Variants in TRPC1 observed in about 807,000 individuals in gnomAD.
TRPC1 encodes the protein short transient receptor potential channel 1.
In TRPC1, 42 loss-of-function variants were observed where a neutral mutation model predicts 88.2. The observed-to-expected ratio is 0.48, with a 90% CI of 0.37 to 0.62. TRPC1 has a LOEUF of 0.62. Among genes scored for constraint, TRPC1 ranks in the 20% least tolerant of loss-of-function variants. TRPC1 has a pLI of 0.00. For synonymous variants in TRPC1, 288 were observed against 331.8 expected (o/e 0.87, Z 1.43); for missense variants, 699 against 957.3 (o/e 0.73, Z 3.56).
At chr3:142,762,670 C>A (rs951744915) in intron 4 of TRPC1, among the ~76,000 whole-genome samples, 9 of 151,872 alleles carry the variant, frequency 5.9e-5, no homozygotes, top group South Asian at 2.1e-4. Context: ...CTCAAGTGAT[C>A]CTCCTATCGT....
In TRPC1 at chr3:142,776,433, G is replaced by A. The variant is rs886550743; in HGVS notation, c.633-1199G>A. Among the ~76,000 whole-genome samples, 1 of 151,866 alleles carries A rather than the reference G, an allele frequency of 6.6e-6. No homozygotes were observed. Among genetic ancestry groups the A allele is most frequent in the African/African-American group, 2.4e-5 (1 of 41,368 alleles). ...TAAATGAACTATAGCAAATTTTTCT[G>A]GTTTGTTTTCTATTTAGGTATGGAA... On this transcript the variant is annotated intron_variant, in intron 4 of 12. Coordinates refer to ENST00000476941, the MANE Select transcript of TRPC1 (RefSeq NM_001251845.2). This position sits in a 1 kb window ranked among gnomAD's most constrained non-coding sequence, Gnocchi z 4.1.
In TRPC1 at chr3:142,738,746, T is replaced by C. The variant is rs544949229; in HGVS notation, c.327+2213T>C. Among the ~76,000 whole-genome samples the C allele has an allele frequency of 5.0e-4, 76 of 152,318 alleles. No homozygotes were observed. The South Asian group carries it at 0.011, about 22-fold the overall frequency. ...CTGTTTTATGTTTAAACTTTTGTGG[T>C]TTGATATACATTATTTAGAAATATA... On this transcript the variant is annotated intron_variant, in intron 2 of 12. Transcript: ENST00000476941.
At chr3:142,755,000 T>C (rs921530500) in intron 4 of TRPC1, among the ~76,000 whole-genome samples, 1 of 152,228 alleles carries the variant, frequency 6.6e-6, no homozygotes, top group Non-Finnish European at 1.5e-5. Flanking sequence ...TGCCAGAATC[T>C]TTAAAGGGAA....
At chr3:142,783,171 A>G (rs1196707178) in intron 6 of TRPC1, among the ~76,000 whole-genome samples, 1 of 152,226 alleles carries the variant, frequency 6.6e-6, no homozygotes, top group Non-Finnish European at 1.5e-5. Flanking sequence ...AGTTAACATT[A>G]CTGCAAATTA....
intron 4 of TRPC1, among the ~76,000 whole-genome samples, chr3:142,756,315 G>A (rs1934959693): frequency 6.6e-6 from 1 of 151,458 alleles, no homozygotes; most frequent in Admixed American, 6.6e-5. Context: ...GTTCTCCAAA[G>A]TGGTTGGAAA....
At chr3:142,740,102 G>A (rs1187486980) in intron 2 of TRPC1, among the ~76,000 whole-genome samples, 1 of 152,206 alleles carries the variant, frequency 6.6e-6, no homozygotes, top group Non-Finnish European at 1.5e-5. Flanking sequence ...GATCTGAGGT[G>A]GAACAGTTTC....
intron 1 of TRPC1, among the ~76,000 whole-genome samples, chr3:142,728,790 C>T (rs1159373878): frequency 6.6e-6 from 1 of 152,050 alleles, no homozygotes; most frequent in Non-Finnish European, 1.5e-5. Flanking sequence ...TATAATGGGC[C>T]TTTAAAATTT....
chr3:142,732,570 T>C (rs1933965325), intron 1 of TRPC1, among the ~76,000 whole-genome samples: 1 of 152,096 alleles, frequency 6.6e-6, no homozygotes, highest in Non-Finnish European at 1.5e-5. Flanking sequence ...CATGGGGGTT[T>C]GGACTGTGGG....
chr3:142,744,240 C>CTT (rs1934457234), intron 3 of TRPC1, among the ~76,000 whole-genome samples: 1 of 151,984 alleles, frequency 6.6e-6, no homozygotes, highest in South Asian at 2.1e-4. Context: ...ACCAAATTTA[C>CTT]TTATTAAAGT....
Position 142,758,649 on chromosome 3 carries a change from T to G in TRPC1, c.632+10189T>G, listed in dbSNP as rs527673575. On this transcript the variant is annotated intron_variant, in intron 4 of 12. Transcript: ENST00000476941. ...AGCTTACTGTAATCTCAATTGTCTA[T>G]TTTTGCTTTGGTTGTCTGTACTTTT... Among the ~76,000 whole-genome samples the G allele has an allele frequency of 2.0e-5, 3 of 152,248 alleles. No homozygotes were observed. In the South Asian group the frequency reaches 6.2e-4, roughly 32 times the overall value.
rs1335048919 is a variant in TRPC1, at chr3:142,776,308, C to T, written c.633-1324C>T. ...CATGGATGAGGGAGTATCATGTTTC[C>T]AAATTGCTTACCTTATGTTTTATAA... On this transcript the variant is annotated intron_variant, in intron 4 of 12. Coordinates refer to ENST00000476941, the MANE Select transcript of TRPC1 (RefSeq NM_001251845.2). This position sits in a 1 kb window ranked among gnomAD's most constrained non-coding sequence, Gnocchi z 4.1. 6.6e-6 allele frequency among the ~76,000 whole-genome samples: 1 copy of T among 151,960 alleles called. No individual in the cohort carries two copies. The highest frequency in any genetic ancestry group is 1.9e-4 in the East Asian group (1 of 5,194).
chr3:142,756,201 C>T (rs189876335), intron 4 of TRPC1, among the ~76,000 whole-genome samples: 264 of 152,274 alleles, frequency 1.7e-3, no homozygotes, highest in African/African-American at 5.6e-3. Flanking sequence ...TGGCAGTGAA[C>T]ATTCACTTAC....
At chr3:142,749,132 C>G (rs1200969833) in intron 4 of TRPC1, among the ~76,000 whole-genome samples, 1 of 152,104 alleles carries the variant, frequency 6.6e-6, no homozygotes, top group Non-Finnish European at 1.5e-5. Flanking sequence ...GACATCGGTC[C>G]TGTAAGATTA....
At chr3:142,775,855 T>C (rs935642243) in intron 4 of TRPC1, among the ~76,000 whole-genome samples, 4 of 152,174 alleles carry the variant, frequency 2.6e-5, no homozygotes, top group Admixed American at 1.3e-4. Context: ...TTCTGTTAGA[T>C]TGAAATAGTA....
chr3:142,758,807 C>G (rs183934767), intron 4 of TRPC1, among the ~76,000 whole-genome samples: 15 of 150,756 alleles, frequency 9.9e-5, no homozygotes, highest in Admixed American at 7.3e-4. Flanking sequence ...AGGTATATCT[C>G]TAATGCTATC....
In TRPC1 at chr3:142,748,277, AGAATCCT is replaced by A. The variant is rs1182101069; in HGVS notation, c.452_458del (p.Asn151SerfsTer13). ...TTTCAGAAACTAATGGAACGAATTC[AGAATCCT>A]GAGTATTCAACAACTATGGATGTTG... On this transcript the variant is annotated frameshift_variant, in exon 4 of 13. Transcript: ENST00000476941. LOFTEE classifies it high-confidence loss of function. 1 of 1,613,608 alleles carries A rather than the reference AGAATCCT, an allele frequency of 6.2e-7. No individual in the cohort carries two copies. The highest frequency in any genetic ancestry group is 8.5e-7 in the Non-Finnish European group (1 of 1,179,716).
rs886406071 is a variant in TRPC1 at position 142,807,389 on chromosome 3, T to C, written c.*1154T>C. 4 of 152,200 alleles carry C rather than the reference T, an allele frequency of 2.6e-5. No individual in the cohort carries two copies. In the East Asian group the frequency reaches 5.8e-4, roughly 22 times the overall value. 9.4% of individuals were successfully genotyped at this position (152,200 alleles called of 1,614,324 possible). On this transcript the variant is annotated 3_prime_UTR_variant, in exon 13 of 13. Coordinates refer to ENST00000476941, the MANE Select transcript of TRPC1 (RefSeq NM_001251845.2). ...ATATGTATTTAAATTTTTGGTGTGT[T>C]CACATAAAGGGATGTAGCTAAAATG...
intron 4 of TRPC1, among the ~76,000 whole-genome samples, chr3:142,756,896 C>G (rs1202778040): frequency 1.3e-5 from 2 of 152,114 alleles, no homozygotes; most frequent in Non-Finnish European, 2.9e-5. Context: ...ACATCCCATT[C>G]TTTCCTGGCC....
chr3:142,805,963 A>C, intron 12 of TRPC1, 45 bp from the exon 13 acceptor site: 1 of 1,544,762 alleles, frequency 6.5e-7, no homozygotes, highest in Middle Eastern at 1.7e-4. Flanking sequence ...ACCTCATTTA[A>C]ATATCGTTTC....
Sources: gnomAD v4.1 joint callset for allele counts (sites outside exome capture counted in the v4.1 genomes callset) on GRCh38, gnomAD v4.1.1 for gene constraint, Gnocchi (gnomAD v3.1) non-coding constraint, MANE v1.5 for transcripts, NCBI Gene and HGNC (gene_info 2026-07-23, HGNC 2026-07-21) for gene names.